Variants in GALNT16 observed in about 807,000 individuals in gnomAD.
GALNT16 encodes UDP-GalNAc:polypeptide N-acetylgalactosaminyltransferase-like protein 1.
In GALNT16, 40 loss-of-function variants were observed where a neutral mutation model predicts 76.1. That is an observed-to-expected ratio of 0.53 (90% CI 0.41 to 0.68). GALNT16 has a LOEUF of 0.68. Ranked by LOEUF, GALNT16 falls within the 30% of genes least tolerant of loss-of-function variation. The probability of loss-of-function intolerance (pLI) is 0.00; values close to 1 mark genes in which losing one functional copy is unlikely to be tolerated. For synonymous variants in GALNT16, 276 were observed against 285.2 expected, an observed-to-expected ratio of 0.97 and a Z score of 0.32; for missense variants, 621 against 731.9, an observed-to-expected ratio of 0.85 and a Z score of 1.75.
intron 10 of GALNT16, 102 bp downstream of exon 10, chr14:69,338,879 C>T (rs1165816470): frequency 5.6e-6 from 5 of 893,280 alleles, no homozygotes; most frequent in Non-Finnish European, 8.4e-6. Context: ...AGCCACCTCA[C>T]TTCTTGGGCC....
At position 69,261,931 on chromosome 14, in the gene GALNT16, C is replaced by T. The variant is rs977864323; in HGVS notation, c.177+1464C>T. 6.6e-6 allele frequency among the ~76,000 whole-genome samples: 1 copy of T among 152,156 alleles called. No homozygotes were observed. Among genetic ancestry groups the T allele is most frequent in the Non-Finnish European group, 1.5e-5 (1 of 68,044 alleles). ...AGGACACTGTTTCCAAAGCACTTGT[C>T]GCCCTTTGGACAGAAAACTGATAAG... On this transcript the variant is annotated intron_variant, in intron 1 of 14. Transcript: ENST00000448469. This position sits in a 1 kb window ranked among gnomAD's most constrained non-coding sequence, Gnocchi z 6.4.
intron 1 of GALNT16, among the ~76,000 whole-genome samples, chr14:69,276,876 T>C (rs1054273615): frequency 5.3e-5 from 8 of 152,250 alleles, no homozygotes; most frequent in African/African-American, 1.9e-4. Context: ...TCTCAGCTGA[T>C]TGAGAAGGAG....
the GALNT16 span, among the ~76,000 whole-genome samples, chr14:69,377,893 A>G: frequency 6.6e-6 from 1 of 151,670 alleles, no homozygotes; most frequent in Non-Finnish European, 1.5e-5. Flanking sequence ...TTTATGTATC[A>G]ATCCTGATTT....
the GALNT16 span, among the ~76,000 whole-genome samples, chr14:69,365,804 G>A: frequency 2.0e-5 from 3 of 152,066 alleles, no homozygotes; most frequent in Non-Finnish European, 2.9e-5. Context: ...AAACACTGCT[G>A]GCTATTTGAA....
chr14:69,301,280 G>C lies in GALNT16; in HGVS notation c.178-19431G>C, dbSNP rs191877231. 4.6e-5 allele frequency among the ~76,000 whole-genome samples: 7 copies of C among 152,260 alleles called. No individual in the cohort carries two copies. In the East Asian group the frequency reaches 1.2e-3, roughly 25 times the overall value. The stretch of plus-strand genomic sequence containing the variant: ...TTTAACAGGGTCTCAGCAGGTGTGC[G>C]ATCACTCTTCCCTACATCACCCAGA... On this transcript the variant is annotated intron_variant, in intron 1 of 14. Transcript: ENST00000448469.
chr14:69,379,074 A>G, the GALNT16 span, among the ~76,000 whole-genome samples: 5 of 152,046 alleles, frequency 3.3e-5, no homozygotes, highest in Admixed American at 3.3e-4. Flanking sequence ...AGTAGCTGGG[A>G]TAGTACAAGC....
At position 69,341,705 on chromosome 14, in the gene GALNT16, G is replaced by A. The variant is rs1407895563; in HGVS notation, c.1212G>A (p.Arg404=). 1 of 1,612,838 alleles carries A rather than the reference G, an allele frequency of 6.2e-7. No individual in the cohort carries two copies. Among genetic ancestry groups the A allele is most frequent in the African/African-American group, 1.3e-5 (1 of 74,894 alleles). Residue 404 remains arginine (R), a synonymous_variant, in exon 12 of 15, where the codon AGG becomes AGA. Coordinates refer to ENST00000448469, the MANE Select transcript of GALNT16 (RefSeq NM_001168368.2). ...FGSVATRIEQ[R]KKMNCKSFRW... The stretch of plus-strand genomic sequence containing the variant: ...GTGTGGCTACGCGGATAGAGCAGAG[G>A]AAGAAGATGAACTGCAAGTCCTTCC...
In GALNT16 at chr14:69,352,290, A is replaced by G; in HGVS notation, c.*122A>G. 1.1e-6 allele frequency: 1 copy of G among 887,200 alleles called. No homozygotes were observed. Among genetic ancestry groups the G allele is most frequent in the Non-Finnish European group, 1.7e-6 (1 of 595,580 alleles). 55.0% of individuals were successfully genotyped at this position (887,200 alleles called of 1,614,324 possible). On this transcript the variant is annotated 3_prime_UTR_variant, in exon 15 of 15. Coordinates refer to ENST00000448469, the MANE Select transcript of GALNT16 (RefSeq NM_001168368.2). Reference sequence around the variant, plus strand: ...CACATTTCTGCCAGGACCATCAGCAAATACCCACCATGACACACGTTCTCC... The same window carrying G: ...CACATTTCTGCCAGGACCATCAGCAGATACCCACCATGACACACGTTCTCC...
At chr14:69,369,495 C>T in the GALNT16 span, among the ~76,000 whole-genome samples, 7 of 152,090 alleles carry the variant, frequency 4.6e-5, no homozygotes, top group Non-Finnish European at 8.8e-5. Context: ...TGGATGGGGT[C>T]CATGAGGAGG....
chr14:69,361,981 T>C (rs2045727335), downstream of GALNT16, among the ~76,000 whole-genome samples: 1 of 152,220 alleles, frequency 6.6e-6, no homozygotes, highest in Admixed American at 6.5e-5. Context: ...CACTCCAGCC[T>C]GGGTGACAGA....
chr14:69,305,128 T>A (rs1050586497), intron 1 of GALNT16, among the ~76,000 whole-genome samples: 1 of 112,678 alleles, frequency 8.9e-6, no homozygotes, highest in Admixed American at 1.1e-4. Context: ...TCACCAACAC[T>A]TGTCTTTTTT....
chr14:69,331,987 A>G (rs775309771), intron 7 of GALNT16, among the ~76,000 whole-genome samples: 45 of 152,204 alleles, frequency 3.0e-4, no homozygotes, highest in Admixed American at 3.9e-4. Flanking sequence ...GTGTATGGCA[A>G]CTATCAGCCA....
chr14:69,271,565 C>T (rs1277065349), intron 1 of GALNT16, among the ~76,000 whole-genome samples: 1 of 152,248 alleles, frequency 6.6e-6, no homozygotes, highest in Non-Finnish European at 1.5e-5. Context: ...AGACTGTGCT[C>T]ACCAGTGCAG....
At chr14:69,322,620 G>C (rs1004736669) in intron 2 of GALNT16, among the ~76,000 whole-genome samples, 1 of 152,178 alleles carries the variant, frequency 6.6e-6, no homozygotes, top group Non-Finnish European at 1.5e-5. Flanking sequence ...GGCCAGGCAC[G>C]GTGGCTCACA....
the GALNT16 span, among the ~76,000 whole-genome samples, chr14:69,383,474 T>G: frequency 3.1e-3 from 478 of 152,356 alleles, 4 homozygotes; most frequent in African/African-American, 0.011. Flanking sequence ...GGCAGTGGGT[T>G]ACCTCTTTGG....
chr14:69,339,282 C>T (rs536180339), intron 10 of GALNT16, among the ~76,000 whole-genome samples: 4 of 152,140 alleles, frequency 2.6e-5, no homozygotes, highest in South Asian at 2.1e-4. Flanking sequence ...TTCACCTTGT[C>T]GAGCTCATGC....
At chr14:69,277,206 T>C (rs1366134890) in intron 1 of GALNT16, among the ~76,000 whole-genome samples, 1 of 151,772 alleles carries the variant, frequency 6.6e-6, no homozygotes, top group Non-Finnish European at 1.5e-5. Context: ...ACAAAAAGCC[T>C]TTATTATTAT....
chr14:69,341,863 G>C (rs535374998), intron 12 of GALNT16, 99 bp downstream of exon 12: 1 of 735,032 alleles, frequency 1.4e-6, no homozygotes, highest in South Asian at 1.6e-5. Flanking sequence ...CCTCAACACT[G>C]GTGATCTGGC....
chr14:69,316,120 G>C (rs772097962), intron 1 of GALNT16, among the ~76,000 whole-genome samples: 1 of 152,212 alleles, frequency 6.6e-6, no homozygotes, highest in Non-Finnish European at 1.5e-5. Flanking sequence ...TGGGGTGTTG[G>C]TGGGACAGGG....
Sources: allele counts gnomAD v4.1 joint callset (sites outside exome capture counted in the v4.1 genomes callset), GRCh38; gene constraint gnomAD v4.1.1; non-coding constraint Gnocchi (gnomAD v3.1); transcripts MANE v1.5; gene names NCBI Gene and HGNC (gene_info 2026-07-23, HGNC 2026-07-21).